The following AUTS2 variants were observed in gnomAD, a reference collection of about 807,000 sequenced individuals.
The protein encoded by AUTS2 is autism susceptibility gene 2 protein.
A neutral mutation model predicts 112.4 loss-of-function variants in AUTS2; 17 were observed. That is an observed-to-expected ratio of 0.15 (90% confidence interval 0.10 to 0.23). The LOEUF (loss-of-function observed/expected upper bound fraction) is 0.23. Ranked by LOEUF, AUTS2 falls within the 10% of genes least tolerant of loss-of-function variation. The probability of loss-of-function intolerance (pLI) is 1.00; values close to 1 mark genes in which losing one functional copy is unlikely to be tolerated. For missense variants in AUTS2, 1,510 were observed against 1,701.6 expected (o/e 0.89, Z 1.98); for synonymous variants, 751 against 702.7 (o/e 1.07, Z -1.09).
At chr7:70,168,166 A>T (rs1451628614) in intron 4 of AUTS2, among the ~76,000 whole-genome samples, 1 of 152,344 alleles carries the variant, frequency 6.6e-6, no homozygotes, top group East Asian at 1.9e-4. Flanking sequence ...TTTACACTCC[A>T]GTGGTACTCC....
intron 6 of AUTS2, among the ~76,000 whole-genome samples, chr7:70,736,140 A>G (rs1283590549): frequency 6.6e-6 from 1 of 152,120 alleles, no homozygotes; most frequent in Non-Finnish European, 1.5e-5. Flanking sequence ...TCACATAAAA[A>G]TTTAATATAT....
At chr7:70,186,059 A>T (rs1809587653) in intron 4 of AUTS2, among the ~76,000 whole-genome samples, 1 of 152,202 alleles carries the variant, frequency 6.6e-6, no homozygotes, top group African/African-American at 2.4e-5. Context: ...TACCAATCAG[A>T]ATGATATTTT....
chr7:70,331,445 T>C (rs1439667002), intron 4 of AUTS2, among the ~76,000 whole-genome samples: 1 of 152,162 alleles, frequency 6.6e-6, no homozygotes, highest in Non-Finnish European at 1.5e-5. Flanking sequence ...TCTTTTCTTA[T>C]TTATTAGTCT....
chr7:70,545,499 G>A (rs911057384), intron 5 of AUTS2, among the ~76,000 whole-genome samples: 1 of 152,222 alleles, frequency 6.6e-6, no homozygotes, highest in Non-Finnish European at 1.5e-5. Context: ...TCACCCACCT[G>A]CTTTAGATGG....
intron 5 of AUTS2, among the ~76,000 whole-genome samples, chr7:70,627,690 G>A (rs1297301241): frequency 2.6e-5 from 4 of 152,258 alleles, no homozygotes; most frequent in African/African-American, 7.2e-5. Flanking sequence ...ATCCAATTCC[G>A]AGCCAAGTGT....
At chr7:69,817,512 C>T (rs151020024) in intron 1 of AUTS2, among the ~76,000 whole-genome samples, 171 of 152,290 alleles carry the variant, frequency 1.1e-3, no homozygotes, top group African/African-American at 3.9e-3. Flanking sequence ...GAGGACTGTT[C>T]AAGACAAAAT....
intron 1 of AUTS2, among the ~76,000 whole-genome samples, chr7:69,827,611 G>A (rs1002073365): frequency 6.6e-6 from 1 of 152,024 alleles, no homozygotes; most frequent in Non-Finnish European, 1.5e-5. Context: ...GTAGGGAGGT[G>A]GAGAAAAGCA....
chr7:70,565,105 A>C (rs1801652191), intron 5 of AUTS2, among the ~76,000 whole-genome samples: 1 of 152,190 alleles, frequency 6.6e-6, no homozygotes, highest in South Asian at 2.1e-4. Context: ...CTCAAAAAAT[A>C]AATAAATAAA....
At chr7:70,232,545 A>G (rs1329246967) in intron 4 of AUTS2, among the ~76,000 whole-genome samples, 1 of 152,234 alleles carries the variant, frequency 6.6e-6, no homozygotes, top group African/African-American at 2.4e-5. Flanking sequence ...CTGGGACTAC[A>G]GGCGCATACC....
chr7:70,552,324 T>C (rs1395445799), intron 5 of AUTS2, among the ~76,000 whole-genome samples: 2 of 152,206 alleles, frequency 1.3e-5, no homozygotes, highest in Non-Finnish European at 2.9e-5. Flanking sequence ...CCTGTTTGCA[T>C]GTTTGTTTTC....
At chr7:70,005,507 C>A (rs1231343321) in intron 2 of AUTS2, among the ~76,000 whole-genome samples, 1 of 152,162 alleles carries the variant, frequency 6.6e-6, no homozygotes, top group African/African-American at 2.4e-5. Flanking sequence ...GAGAGGCTCA[C>A]TATTGTGATA....
chr7:70,045,759 C>G (rs1801475250), intron 2 of AUTS2, among the ~76,000 whole-genome samples: 4 of 150,840 alleles, frequency 2.7e-5, no homozygotes, highest in Admixed American at 2.6e-4. Flanking sequence ...CAGGCGCATG[C>G]CACCATGCTC....
At chr7:70,225,415 C>T (rs1811711089) in intron 4 of AUTS2, among the ~76,000 whole-genome samples, 1 of 152,130 alleles carries the variant, frequency 6.6e-6, no homozygotes, top group Admixed American at 6.5e-5. Context: ...TCTCTTATAG[C>T]ATCTTGATGG....
chr7:70,191,382 A>G (rs954539153), intron 4 of AUTS2, among the ~76,000 whole-genome samples: 8 of 152,050 alleles, frequency 5.3e-5, no homozygotes, highest in African/African-American at 1.7e-4. Context: ...CATATTAGCC[A>G]GGATGGTCTC....
At chr7:70,286,128 G>A (rs954797422) in intron 4 of AUTS2, among the ~76,000 whole-genome samples, 3 of 152,174 alleles carry the variant, frequency 2.0e-5, no homozygotes, top group Non-Finnish European at 2.9e-5. Flanking sequence ...AATAGAGGAT[G>A]AGCAAAATGT....
intron 5 of AUTS2, among the ~76,000 whole-genome samples, chr7:70,539,938 G>T (rs566203918): frequency 6.6e-6 from 1 of 152,296 alleles, no homozygotes; most frequent in Non-Finnish European, 1.5e-5. Context: ...CATATTCTCA[G>T]CCACTGAGGA....
At chr7:69,606,117 T>G (rs1370393655) in intron 1 of AUTS2, among the ~76,000 whole-genome samples, 1 of 152,212 alleles carries the variant, frequency 6.6e-6, no homozygotes, top group Non-Finnish European at 1.5e-5. Context: ...GAATTGAGCC[T>G]TTGATCCTGA....
intron 1 of AUTS2, among the ~76,000 whole-genome samples, chr7:69,806,772 C>T (rs1189295423): frequency 1.3e-5 from 2 of 152,204 alleles, no homozygotes; most frequent in Non-Finnish European, 2.9e-5. Context: ...ATTCCAGAGC[C>T]TTGCCTTTAG....
intron 2 of AUTS2, among the ~76,000 whole-genome samples, chr7:70,023,927 T>C (rs1800397855): frequency 6.6e-6 from 1 of 152,184 alleles, no homozygotes; most frequent in African/African-American, 2.4e-5. Context: ...AAGAGCAACT[T>C]CAGTGACTTG....
Sources: allele counts gnomAD v4.1 joint callset (sites outside exome capture counted in the v4.1 genomes callset), GRCh38; gene constraint gnomAD v4.1.1; transcripts MANE v1.5; gene names NCBI Gene and HGNC (gene_info 2026-07-23, HGNC 2026-07-21).